Variants in ADCY8 observed in about 807,000 individuals in gnomAD.
ADCY8 encodes the protein adenylate cyclase 8.
Under a neutral mutation model 119.7 loss-of-function variants are expected in ADCY8, and 51 were observed. That is an observed-to-expected ratio of 0.43 (90% CI 0.34 to 0.54). The LOEUF is 0.54. Among genes scored for constraint, ADCY8 ranks in the 20% least tolerant of loss-of-function variants. The probability of loss-of-function intolerance (pLI) is 0.03; values close to 1 mark genes in which losing one functional copy is unlikely to be tolerated. For missense variants in ADCY8, 1,383 were observed against 1,598.8 expected (o/e 0.87, Z 2.30); for synonymous variants, 665 against 651.0 (o/e 1.02, Z -0.33).
intron 2 of ADCY8, among the ~76,000 whole-genome samples, chr8:130,988,067 G>A (rs1822458258): frequency 1.3e-5 from 2 of 152,170 alleles, no homozygotes; most frequent in African/African-American, 4.8e-5. Flanking sequence ...TGCCATTGAT[G>A]GGCAAACTAA....
chr8:130,983,154 A>G (rs1000281375), intron 2 of ADCY8, among the ~76,000 whole-genome samples: 3 of 152,212 alleles, frequency 2.0e-5, no homozygotes, highest in African/African-American at 7.2e-5. Context: ...GGTACTCAAC[A>G]ATGGATGGTA....
intron 7 of ADCY8, among the ~76,000 whole-genome samples, chr8:130,886,110 A>C (rs561137787): frequency 6.6e-6 from 1 of 152,080 alleles, no homozygotes; most frequent in Admixed American, 6.6e-5. Flanking sequence ...TGAACCCTTC[A>C]TTTTAACCTT....
At chr8:130,945,280 A>G (rs944603931) in intron 3 of ADCY8, among the ~76,000 whole-genome samples, 2 of 152,238 alleles carry the variant, frequency 1.3e-5, no homozygotes, top group Admixed American at 6.5e-5. Flanking sequence ...CCTGAAAGTG[A>G]TGGAAAGCTA....
intron 11 of ADCY8, among the ~76,000 whole-genome samples, chr8:130,844,236 T>C (rs1228846330): frequency 6.6e-6 from 1 of 151,738 alleles, no homozygotes; most frequent in African/African-American, 2.4e-5. Flanking sequence ...CACTCTGGGT[T>C]TGTGCATGTG....
rs546403772 is a variant in ADCY8 at position 130,904,142 on chromosome 8, GTAT to G, written c.1641-103_1641-101del. ...AAACCAACACCAGGGTTACACAAGGGTATTATTAGGACATGTCCTCAGGGACAA... is the reference window on the plus strand; with the variant it reads ...AAACCAACACCAGGGTTACACAAGGGTATTAGGACATGTCCTCAGGGACAA... On this transcript the variant is annotated intron_variant, in intron 6 of 17. Coordinates refer to ENST00000286355, the MANE Select transcript of ADCY8 (RefSeq NM_001115.3). 741 of 1,198,164 alleles carry G rather than the reference GTAT, an allele frequency of 6.2e-4. 6 individuals are homozygous for G. The African/African-American group carries it at 0.01, about 17-fold the overall frequency. The allele number at this position is 1,198,164 out of a possible 1,614,324, so 74.2% of individuals were successfully genotyped here. A position where few individuals can be genotyped will look rare whatever the true frequency, so the allele number is the denominator to read the frequency against.
intron 1 of ADCY8, among the ~76,000 whole-genome samples, chr8:131,011,959 A>T (rs1008267762): frequency 5.3e-5 from 8 of 152,160 alleles, no homozygotes; most frequent in African/African-American, 1.7e-4. Context: ...TGTGTCCCTG[A>T]TAGGTAGAAT....
At chr8:130,963,557 G>A (rs1015577499) in intron 2 of ADCY8, among the ~76,000 whole-genome samples, 7 of 152,214 alleles carry the variant, frequency 4.6e-5, no homozygotes, top group African/African-American at 1.7e-4. Context: ...TAAATTTAGA[G>A]TTGAACAAGG....
rs1216775527 is a variant in ADCY8 at position 130,860,907 on chromosome 8, C to T, written c.2210+6939G>A. ...CATGCGGTGTTTGGTTTTCTGTTCCCGTATTAGTTTGCTGAGAATTGGGCA... is the reference window on the plus strand; with the variant it reads ...CATGCGGTGTTTGGTTTTCTGTTCCTGTATTAGTTTGCTGAGAATTGGGCA... On this transcript the variant is annotated intron_variant, in intron 9 of 17. Coordinates refer to ENST00000286355, the MANE Select transcript of ADCY8 (RefSeq NM_001115.3). Among the ~76,000 whole-genome samples, 8 of 152,064 alleles carry T rather than the reference C, an allele frequency of 5.3e-5. No homozygotes were observed. In the South Asian group the frequency reaches 6.2e-4, roughly 12 times the overall value.
rs540190855 is a variant in ADCY8, at chr8:130,925,340, C to T, written c.1481+11733G>A. On this transcript the variant is annotated intron_variant, in intron 5 of 17. Coordinates refer to ENST00000286355, the MANE Select transcript of ADCY8 (RefSeq NM_001115.3). Reference sequence around the variant, plus strand: ...TCAACTGCATCAAATTTTCCAGGACCCAAACTCAGCCTCCCTTGCAATATT... The same window carrying T: ...TCAACTGCATCAAATTTTCCAGGACTCAAACTCAGCCTCCCTTGCAATATT... 5.7e-4 allele frequency among the ~76,000 whole-genome samples: 87 copies of T among 152,292 alleles called. No individual in the cohort carries two copies. In the Middle Eastern group the frequency reaches 0.01, roughly 18 times the overall value.
chr8:131,039,929 G>A lies in ADCY8; in HGVS notation c.405C>T (p.Ala135=). The part of the protein sequence containing the change: ...GDLGFLHLDC[A]PSNSDFFLNG... ...TAAGAAAGAAATCCGAGTTGCTAGG[G>A]GCACAGTCAAGGTGCAGGAAGCCCA... The change falls in exon 1 of 18, where the codon GCC becomes GCT. Residue 135 remains alanine (A), a synonymous_variant. Coordinates refer to ENST00000286355, the MANE Select transcript of ADCY8 (RefSeq NM_001115.3). 3 of 1,608,064 alleles carry A rather than the reference G, an allele frequency of 1.9e-6. No individual in the cohort carries two copies. The highest frequency in any genetic ancestry group is 2.7e-5 in the African/African-American group (2 of 74,904).
chr8:130,867,761 A>T, intron 9 of ADCY8, 85 bp downstream of exon 9: 2 of 930,786 alleles, frequency 2.1e-6, no homozygotes, highest in Non-Finnish European at 3.3e-6. Flanking sequence ...TTAAATTCTG[A>T]TTCTTTGAAA....
At chr8:130,907,393 T>C (rs1819823852) in intron 6 of ADCY8, among the ~76,000 whole-genome samples, 1 of 152,178 alleles carries the variant, frequency 6.6e-6, no homozygotes, top group African/African-American at 2.4e-5. Context: ...TATCAAACCA[T>C]GGTGAGTCTG....
At chr8:130,929,112 A>C (rs1388872957) in intron 5 of ADCY8, among the ~76,000 whole-genome samples, 1 of 152,124 alleles carries the variant, frequency 6.6e-6, no homozygotes, top group East Asian at 1.9e-4. Context: ...CTTTTCAAAA[A>C]AAATCAACTC....
chr8:130,951,789 A>G, intron 3 of ADCY8, 79 bp downstream of exon 3: 24 of 1,558,646 alleles, frequency 1.5e-5, no homozygotes, highest in Non-Finnish European at 2.0e-5. Flanking sequence ...AAGCAGACGG[A>G]AGTCACGGAA....
chr8:131,032,622 G>A (rs2130811223), intron 1 of ADCY8, among the ~76,000 whole-genome samples: 1 of 152,216 alleles, frequency 6.6e-6, no homozygotes, highest in Non-Finnish European at 1.5e-5. Context: ...CATCTCCATA[G>A]TTAATTAATC....
chr8:130,814,815 C>T (rs1377760357), intron 13 of ADCY8, among the ~76,000 whole-genome samples: 1 of 152,146 alleles, frequency 6.6e-6, no homozygotes, highest in East Asian at 1.9e-4. Context: ...CTGGACCCAT[C>T]CTTGACATAT....
chr8:131,007,165 T>C (rs1032364451), intron 1 of ADCY8, among the ~76,000 whole-genome samples: 3 of 152,154 alleles, frequency 2.0e-5, no homozygotes, highest in Non-Finnish European at 4.4e-5. Flanking sequence ...AAAAAGCACA[T>C]AGTACTGAAT....
chr8:130,990,109 A>G (rs910175032), intron 2 of ADCY8, among the ~76,000 whole-genome samples: 1 of 152,224 alleles, frequency 6.6e-6, no homozygotes, highest in African/African-American at 2.4e-5. Context: ...AGGAATCATG[A>G]CCTTGTTCAC....
intron 2 of ADCY8, among the ~76,000 whole-genome samples, chr8:130,978,803 T>C (rs1176126329): frequency 4.6e-5 from 7 of 152,210 alleles, no homozygotes; most frequent in African/African-American, 7.2e-5. Context: ...AGTAACCTAA[T>C]TAGATTTTGA....
Sources: allele counts gnomAD v4.1 joint callset (sites outside exome capture counted in the v4.1 genomes callset), GRCh38; gene constraint gnomAD v4.1.1; transcripts MANE v1.5; gene names NCBI Gene and HGNC (gene_info 2026-07-23, HGNC 2026-07-21).